KIAA1328: variants seen among roughly 807,000 people sequenced by gnomAD.
KIAA1328 encodes the protein protein hinderin.
A neutral mutation model predicts 68.1 loss-of-function variants in KIAA1328; 52 were observed. The ratio of observed to expected loss-of-function variants is 0.76; its 90% CI spans 0.61 to 0.96. The LOEUF (loss-of-function observed/expected upper bound fraction) is 0.96. Among genes scored for constraint, KIAA1328 ranks in the 40% least tolerant of loss-of-function variants. KIAA1328 has a pLI of 0.00. For missense variants in KIAA1328, 641 were observed against 677.6 expected (o/e 0.95, Z 0.60); for synonymous variants, 232 against 239.4 (o/e 0.97, Z 0.28).
At chr18:37,099,559 G>A (rs2151862496) in intron 7 of KIAA1328, among the ~76,000 whole-genome samples, 1 of 152,292 alleles carries the variant, frequency 6.6e-6, no homozygotes, top group Non-Finnish European at 1.5e-5. Flanking sequence ...CTGTTGATTT[G>A]GGGTGGAGAG....
chr18:37,125,041 T>C (rs1413907244), intron 7 of KIAA1328, among the ~76,000 whole-genome samples: 1 of 152,066 alleles, frequency 6.6e-6, no homozygotes, highest in Admixed American at 6.6e-5. Context: ...ATATAAAAAC[T>C]TGTGGGCTGG....
chr18:37,147,637 T>C (rs2058931743), intron 7 of KIAA1328, among the ~76,000 whole-genome samples: 1 of 152,108 alleles, frequency 6.6e-6, no homozygotes, highest in Non-Finnish European at 1.5e-5. Flanking sequence ...CTTTGTACAT[T>C]TCACTGAAGC....
chr18:36,892,168 G>A (rs2048712397), intron 5 of KIAA1328, among the ~76,000 whole-genome samples: 1 of 152,040 alleles, frequency 6.6e-6, no homozygotes, highest in East Asian at 1.9e-4. Flanking sequence ...ACTGCAGGAA[G>A]CTGTATCATA....
chr18:36,944,026 A>T (rs113980660), intron 5 of KIAA1328, among the ~76,000 whole-genome samples: 4 of 152,338 alleles, frequency 2.6e-5, no homozygotes, highest in African/African-American at 9.6e-5. Flanking sequence ...AACTCTTGTT[A>T]TTTAAGTGTA....
intron 1 of KIAA1328, chr18:36,833,032 CAG>C (rs1008727179): frequency 6.6e-6 from 1 of 151,634 alleles, no homozygotes; most frequent in African/African-American, 2.4e-5. Context: ...TTAGTAGAGA[CAG>C]GGTTTCACCG....
chr18:36,908,174 T>A (rs2049291732), intron 5 of KIAA1328, among the ~76,000 whole-genome samples: 1 of 152,186 alleles, frequency 6.6e-6, no homozygotes, highest in South Asian at 2.1e-4. Flanking sequence ...AAAAAAGGAA[T>A]GCATAAAACT....
chr18:37,025,742 A>G (rs1429008159), intron 6 of KIAA1328, among the ~76,000 whole-genome samples: 1 of 152,224 alleles, frequency 6.6e-6, no homozygotes, highest in Non-Finnish European at 1.5e-5. Flanking sequence ...AGGGAAATTT[A>G]TAGCACTAAA....
At chr18:36,989,716 A>G (rs889791359) in intron 6 of KIAA1328, among the ~76,000 whole-genome samples, 16 of 151,594 alleles carry the variant, frequency 1.1e-4, no homozygotes, top group African/African-American at 3.6e-4. Flanking sequence ...TTTTTTTGAG[A>G]CGGAGTCTAG....
chr18:37,187,818 G>A (rs1012800977), intron 9 of KIAA1328, among the ~76,000 whole-genome samples: 3 of 152,086 alleles, frequency 2.0e-5, no homozygotes, highest in African/African-American at 7.2e-5. Context: ...CTTACCGAGG[G>A]CTGTCTCTTT....
intron 6 of KIAA1328, among the ~76,000 whole-genome samples, chr18:37,020,305 T>G (rs113391084): frequency 1.3e-5 from 2 of 152,270 alleles, no homozygotes; most frequent in African/African-American, 4.8e-5. Context: ...GTATTTTTAG[T>G]AGAGACAGGG....
intron 6 of KIAA1328, among the ~76,000 whole-genome samples, chr18:37,060,549 T>C (rs1599118306): frequency 6.6e-6 from 1 of 152,202 alleles, no homozygotes; most frequent in East Asian, 1.9e-4. Context: ...ACTTGTGGGA[T>C]ATGAAATCAA....
intron 5 of KIAA1328, among the ~76,000 whole-genome samples, chr18:36,911,029 A>G (rs764154334): frequency 1.1e-4 from 16 of 151,974 alleles, no homozygotes; most frequent in Non-Finnish European, 1.5e-4. Context: ...CTACTCTCCA[A>G]TGGTGGCTTT....
chr18:37,162,820 A>G (rs564360502), intron 8 of KIAA1328, among the ~76,000 whole-genome samples: 1 of 152,104 alleles, frequency 6.6e-6, no homozygotes, highest in East Asian at 1.9e-4. Flanking sequence ...TATTACCAGT[A>G]TCTTACTCCC....
intron 1 of KIAA1328, among the ~76,000 whole-genome samples, chr18:36,833,961 G>A (rs1382747186): frequency 6.6e-6 from 1 of 152,278 alleles, no homozygotes; most frequent in East Asian, 1.9e-4. Flanking sequence ...GAGCACTTAA[G>A]TTTTTGTTTA....
intron 7 of KIAA1328, among the ~76,000 whole-genome samples, chr18:37,102,412 C>T (rs550452698): frequency 2.6e-5 from 4 of 152,266 alleles, no homozygotes; most frequent in Admixed American, 2.6e-4. Flanking sequence ...CCTGCACATG[C>T]ACCCCTGAAC....
At chr18:36,917,381 C>T (rs1387771330) in intron 5 of KIAA1328, among the ~76,000 whole-genome samples, 3 of 152,094 alleles carry the variant, frequency 2.0e-5, no homozygotes, top group Admixed American at 6.5e-5. Context: ...CCACACCCAG[C>T]TACTTAAAAT....
chr18:36,881,992 C>G (rs2048343238), intron 4 of KIAA1328, among the ~76,000 whole-genome samples: 1 of 152,134 alleles, frequency 6.6e-6, no homozygotes, highest in Non-Finnish European at 1.5e-5. Context: ...TATGGTAACT[C>G]TGTGTTTAAC....
intron 7 of KIAA1328, among the ~76,000 whole-genome samples, chr18:37,100,246 G>T (rs2057561755): frequency 6.6e-6 from 1 of 152,196 alleles, no homozygotes; most frequent in South Asian, 2.1e-4. Flanking sequence ...GGAAGCACAA[G>T]GGGTCAGGCA....
At chr18:37,129,463 T>C (rs1395027320) in intron 7 of KIAA1328, among the ~76,000 whole-genome samples, 1 of 152,210 alleles carries the variant, frequency 6.6e-6, no homozygotes, top group African/African-American at 2.4e-5. Flanking sequence ...TCATTTTGCT[T>C]TTTTAATTAA....
Sources: gnomAD v4.1 joint callset for allele counts (sites outside exome capture counted in the v4.1 genomes callset) on GRCh38, gnomAD v4.1.1 for gene constraint, MANE v1.5 for transcripts, NCBI Gene and HGNC (gene_info 2026-07-23, HGNC 2026-07-21) for gene names.